The following WASL variants were observed in gnomAD, a reference collection of about 807,000 sequenced individuals.
WASL encodes the protein actin nucleation-promoting factor WASL.
A neutral mutation model predicts 55.5 loss-of-function variants in WASL; 20 were observed. That is an observed-to-expected ratio of 0.36 (90% CI 0.25 to 0.52). The LOEUF is 0.52. WASL is among the 20% of genes least tolerant of loss of function. The probability of loss-of-function intolerance (pLI) is 0.92; values close to 1 mark genes in which losing one functional copy is unlikely to be tolerated. For missense variants in WASL, 504 were observed against 622.5 expected, an observed-to-expected ratio of 0.81 and a Z score of 2.03; for synonymous variants, 249 against 217.6, an observed-to-expected ratio of 1.14 and a Z score of -1.27.
chr7:123,684,388 A>C lies in WASL; in HGVS notation c.*131T>G. 2.7e-6 allele frequency: 1 copy of C among 366,334 alleles called. No homozygotes were observed. Among genetic ancestry groups the C allele is most frequent in the Non-Finnish European group, 5.0e-6 (1 of 198,352 alleles). The allele number at this position is 366,334 out of a possible 1,614,324, so 22.7% of individuals were successfully genotyped here. On this transcript the variant is annotated 3_prime_UTR_variant, in exon 11 of 11. Coordinates refer to ENST00000223023, the MANE Select transcript of WASL (RefSeq NM_003941.4). Reference sequence around the variant, plus strand: ...ATGAGGTATTGCACAGATTAAAAAAAAGCAAAAAAGGCAACAAAAATATAC... The same window carrying C: ...ATGAGGTATTGCACAGATTAAAAAACAGCAAAAAAGGCAACAAAAATATAC...
chr7:123,713,806 T>C (rs1803797210), intron 1 of WASL, among the ~76,000 whole-genome samples: 1 of 152,220 alleles, frequency 6.6e-6, no homozygotes, highest in Non-Finnish European at 1.5e-5. Flanking sequence ...GCAGATCTTC[T>C]TCACTAAATA....
intron 5 of WASL, among the ~76,000 whole-genome samples, chr7:123,699,352 G>A (rs1392619910): frequency 3.3e-5 from 5 of 152,070 alleles, no homozygotes; most frequent in East Asian, 1.9e-4. Context: ...ACTCCAGCCC[G>A]GGCGACAGAG....
At chr7:123,697,982 T>C (rs1803518185) in intron 5 of WASL, among the ~76,000 whole-genome samples, 1 of 151,994 alleles carries the variant, frequency 6.6e-6, no homozygotes, top group Admixed American at 6.6e-5. Flanking sequence ...TCACAAGTTG[T>C]CACAATTCAT....
intron 1 of WASL, among the ~76,000 whole-genome samples, chr7:123,738,122 C>G (rs1327053749): frequency 1.3e-5 from 2 of 152,030 alleles, no homozygotes; most frequent in African/African-American, 4.8e-5. Flanking sequence ...GATGTTTTCA[C>G]CAGTGTGAGA....
chr7:123,698,218 C>T (rs1198782829), intron 5 of WASL, among the ~76,000 whole-genome samples: 2 of 151,900 alleles, frequency 1.3e-5, no homozygotes, highest in Non-Finnish European at 2.9e-5. Context: ...TTGGGGATCC[C>T]CAACATAATC....
chr7:123,691,644 T>C (rs1803410211), intron 9 of WASL, among the ~76,000 whole-genome samples: 2 of 152,154 alleles, frequency 1.3e-5, no homozygotes, highest in Admixed American at 1.3e-4. Context: ...ACCTGATCCT[T>C]TATAGGAAAA....
intron 1 of WASL, among the ~76,000 whole-genome samples, chr7:123,736,847 T>G (rs1468751397): frequency 6.6e-6 from 1 of 152,192 alleles, no homozygotes; most frequent in Non-Finnish European, 1.5e-5. Flanking sequence ...AGCCAAATGT[T>G]TTTTGGTAAA....
chr7:123,704,752 T>G (rs1188081177), intron 4 of WASL, 95 bp from the exon 5 acceptor site: 2 of 781,958 alleles, frequency 2.6e-6, no homozygotes, highest in African/African-American at 3.6e-5. Flanking sequence ...ATTCCTAAAT[T>G]GACATACGTG....
chr7:123,710,826 T>C (rs1238396273), intron 1 of WASL, among the ~76,000 whole-genome samples: 2 of 152,138 alleles, frequency 1.3e-5, no homozygotes, highest in African/African-American at 4.8e-5. Context: ...CACACTTGTG[T>C]TTGCAAGTGC....
At chr7:123,692,920 C>G in intron 8 of WASL, 53 bp from the exon 9 acceptor site, 1 of 1,328,462 alleles carries the variant, frequency 7.5e-7, no homozygotes, top group Non-Finnish European at 9.6e-7. Flanking sequence ...TCATAAACAT[C>G]ATATTGAAAA....
intron 1 of WASL, among the ~76,000 whole-genome samples, chr7:123,743,670 CTTT>C (rs1321988610): frequency 6.6e-6 from 1 of 152,218 alleles, no homozygotes; most frequent in African/African-American, 2.4e-5. Context: ...TTCATAACAA[CTTT>C]CTTTCATATG....
At chr7:123,748,354 G>A (rs1804475682) in intron 1 of WASL, among the ~76,000 whole-genome samples, 1 of 152,116 alleles carries the variant, frequency 6.6e-6, no homozygotes, top group South Asian at 2.1e-4. Context: ...GGCGCGGGCC[G>A]AGGCCCGGCC....
chr7:123,743,793 G>A (rs1804387195), intron 1 of WASL, among the ~76,000 whole-genome samples: 1 of 152,162 alleles, frequency 6.6e-6, no homozygotes, highest in Non-Finnish European at 1.5e-5. Context: ...ATCTAGACAT[G>A]AAGGCTGAGA....
intron 1 of WASL, among the ~76,000 whole-genome samples, chr7:123,732,457 T>C (rs909058791): frequency 6.6e-6 from 1 of 152,196 alleles, no homozygotes; most frequent in East Asian, 1.9e-4. Context: ...GTAATCTAGA[T>C]TAAATGGGCC....
intron 1 of WASL, among the ~76,000 whole-genome samples, chr7:123,746,161 C>T (rs1399432246): frequency 6.6e-6 from 1 of 152,212 alleles, no homozygotes; most frequent in Non-Finnish European, 1.5e-5. Flanking sequence ...GCCTCTTACA[C>T]ATCACTCTGA....
At chr7:123,711,890 T>C (rs1168437522) in intron 1 of WASL, among the ~76,000 whole-genome samples, 1 of 152,204 alleles carries the variant, frequency 6.6e-6, no homozygotes, top group African/African-American at 2.4e-5. Context: ...AAAAGTACTG[T>C]ATCAACTTTG....
chr7:123,710,337 T>C (rs138490414), intron 1 of WASL, among the ~76,000 whole-genome samples: 2 of 151,634 alleles, frequency 1.3e-5, no homozygotes, highest in African/African-American at 4.8e-5. Context: ...GAGGAAGAAC[T>C]GAAATAACCT....
intron 4 of WASL, among the ~76,000 whole-genome samples, chr7:123,705,070 G>A (rs138380295): frequency 2.1e-4 from 32 of 152,142 alleles, no homozygotes; most frequent in Non-Finnish European, 1.2e-4. Context: ...AGTTTACTCT[G>A]GCTACTGTAT....
intron 1 of WASL, among the ~76,000 whole-genome samples, chr7:123,722,098 C>A (rs890583192): frequency 6.6e-6 from 1 of 152,106 alleles, no homozygotes; most frequent in Admixed American, 6.5e-5. Flanking sequence ...AAGGTCACCA[C>A]TAGCCACAAT....
Sources: allele counts gnomAD v4.1 joint callset (sites outside exome capture counted in the v4.1 genomes callset), GRCh38; gene constraint gnomAD v4.1.1; transcripts MANE v1.5; gene names NCBI Gene and HGNC (gene_info 2026-07-23, HGNC 2026-07-21).